Variants in PRRC2C observed in about 807,000 individuals in gnomAD.
The protein encoded by PRRC2C is protein PRRC2C.
PRRC2C carries 72 observed loss-of-function variants against 317.2 expected under a neutral mutation model. The ratio of observed to expected loss-of-function variants is 0.23; its 90% CI spans 0.19 to 0.28. The LOEUF (loss-of-function observed/expected upper bound fraction) is 0.28. PRRC2C is among the 10% of genes least tolerant of loss of function. PRRC2C has a pLI of 1.00. For synonymous variants in PRRC2C, 1,296 were observed against 1,205.9 expected (o/e 1.07, Z -1.55); for missense variants, 3,074 against 3,459.7 (o/e 0.89, Z 2.80).
At chr1:171,589,966 A>G (rs1651024342) in intron 34 of PRRC2C, among the ~76,000 whole-genome samples, 1 of 143,598 alleles carries the variant, frequency 7.0e-6, no homozygotes, top group African/African-American at 2.5e-5. Flanking sequence ...ATTATTATAG[A>G]CTTCCCCATT....
At chr1:171,549,035 G>A (rs1405440860) in intron 17 of PRRC2C, among the ~76,000 whole-genome samples, 6 of 152,132 alleles carry the variant, frequency 3.9e-5, no homozygotes, top group Admixed American at 1.3e-4. Context: ...TAGAGACAGG[G>A]TTTCACTGTG....
At chr1:171,497,236 T>G (rs761055227) in intron 1 of PRRC2C, among the ~76,000 whole-genome samples, 9 of 152,226 alleles carry the variant, frequency 5.9e-5, no homozygotes, top group Non-Finnish European at 1.2e-4. Context: ...TTGTTTTATA[T>G]TTCAGTTTGT....
At position 171,537,345 on chromosome 1, in the gene PRRC2C, T is replaced by C; in HGVS notation, c.2376T>C (p.Ala792=). 6.3e-7 allele frequency: 1 copy of C among 1,596,646 alleles called. No homozygotes were observed. The highest frequency in any genetic ancestry group is 1.1e-5 in the South Asian group (1 of 87,780). Reference sequence around the variant, plus strand: ...GTTCTGAGTCATTTGAGCATATAGCTCGATCTGCAAGAGATCACGCAATTT... The same window carrying C: ...GTTCTGAGTCATTTGAGCATATAGCCCGATCTGCAAGAGATCACGCAATTT... ...PNSSESFEHI[A]RSARDHAISL... is the part of the protein sequence containing the mutation. The change falls in exon 15 of 35, where the codon GCT becomes GCC. Residue 792 remains alanine (A), a synonymous_variant. Coordinates refer to ENST00000647382, the MANE Select transcript of PRRC2C (RefSeq NM_001387844.1).
chr1:171,537,501 G>C, intron 15 of PRRC2C, 28 bp downstream of exon 15: 1 of 1,524,668 alleles, frequency 6.6e-7, no homozygotes, highest in South Asian at 1.2e-5. Context: ...TTTAATAGAT[G>C]ATACAGAATA....
intron 10 of PRRC2C, among the ~76,000 whole-genome samples, chr1:171,527,305 G>A: frequency 6.8e-6 from 1 of 147,148 alleles, no homozygotes; most frequent in East Asian, 2.1e-4. Context: ...GCTAATTTTT[G>A]TATTTTTAGT....
intron 17 of PRRC2C, among the ~76,000 whole-genome samples, chr1:171,548,507 A>T (rs1476184654): frequency 6.6e-6 from 1 of 152,196 alleles, no homozygotes; most frequent in Non-Finnish European, 1.5e-5. Flanking sequence ...TTTTTATTGT[A>T]TATGTAATTT....
rs1462177827 is a variant in PRRC2C, at chr1:171,541,536, C to T, written c.4070C>T (p.Pro1357Leu). ...GGTFRRGGRD[P>L]GGRPSRPSTL... Reference sequence around the variant, plus strand: ...ACATTCAGGCGTGGTGGAAGGGATCCTGGAGGCCGTCCATCACGCCCTTCC... The same window carrying T: ...ACATTCAGGCGTGGTGGAAGGGATCTTGGAGGCCGTCCATCACGCCCTTCC... The change falls in exon 16 of 35, where the codon CCT (proline) becomes CTT (leucine). Residue 1357 changes from proline to leucine, a missense_variant. Pro to Leu is a moderately conservative substitution (Grantham distance 98, BLOSUM62 -3). Transcript: ENST00000647382. The surrounding 1 kb of genome is among the most constrained non-coding windows in gnomAD (Gnocchi z 4.1). 3 of 1,613,326 alleles carry T rather than the reference C, an allele frequency of 1.9e-6. No homozygotes were observed. The highest frequency in any genetic ancestry group is 1.7e-6 in the Non-Finnish European group (2 of 1,179,748).
chr1:171,582,873 A>G (rs779523788), intron 28 of PRRC2C, among the ~76,000 whole-genome samples: 4 of 149,872 alleles, frequency 2.7e-5, no homozygotes, highest in Non-Finnish European at 6.0e-5. Context: ...AAAAAAAACA[A>G]ATTTTTCTTC....
chr1:171,577,686 C>T (rs1351838187), intron 26 of PRRC2C, 49 bp downstream of exon 26: 1 of 1,519,686 alleles, frequency 6.6e-7, no homozygotes, highest in Non-Finnish European at 9.1e-7. Flanking sequence ...TGAAGACTTA[C>T]TAAAATGCTT....
chr1:171,540,766 AC>A lies in PRRC2C; in HGVS notation c.3302del (p.Pro1101HisfsTer12). 1 of 1,613,928 alleles carries A rather than the reference AC, an allele frequency of 6.2e-7. No individual in the cohort carries two copies. The highest frequency in any genetic ancestry group is 8.5e-7 in the Non-Finnish European group (1 of 1,179,862). ...CAGAAACTGCAACTTTGGCTCAAAA[AC>A]CATCTCAGGATACTGAGAAGCCTCT... ...STETATLAQKPSQDTEKPLEP... is the reference protein window; with the variant it reads ...STETATLAQKXSQDTEKPLEP... On this transcript the variant is annotated frameshift_variant, in exon 16 of 35. Transcript: ENST00000647382. LOFTEE classifies it high-confidence loss of function.
chr1:171,490,039 C>T (rs1296294013), intron 1 of PRRC2C, among the ~76,000 whole-genome samples: 1 of 152,174 alleles, frequency 6.6e-6, no homozygotes, highest in Non-Finnish European at 1.5e-5. Context: ...CCTACCTCAG[C>T]TTCCTGAGTA....
At chr1:171,502,283 G>A (rs1444520030) in intron 1 of PRRC2C, among the ~76,000 whole-genome samples, 1 of 152,116 alleles carries the variant, frequency 6.6e-6, no homozygotes, top group Non-Finnish European at 1.5e-5. Context: ...GAGACACTTG[G>A]GGAACTTTTC....
intron 11 of PRRC2C, among the ~76,000 whole-genome samples, chr1:171,529,699 A>T (rs1044572506): frequency 6.6e-6 from 1 of 152,142 alleles, no homozygotes; most frequent in East Asian, 1.9e-4. Flanking sequence ...ATTCTTCTGT[A>T]GTAGTTGTTG....
intron 11 of PRRC2C, among the ~76,000 whole-genome samples, chr1:171,531,899 G>A (rs914520721): frequency 1.4e-4 from 22 of 152,208 alleles, no homozygotes; most frequent in Middle Eastern, 3.4e-3. Flanking sequence ...CTTTTTACCT[G>A]TAGCTGTACC....
rs1044973783 is a variant in PRRC2C, at chr1:171,577,476, C to A, written c.6998C>A (p.Thr2333Lys). 1 of 1,612,986 alleles carries A rather than the reference C, an allele frequency of 6.2e-7. No individual in the cohort carries two copies. Among genetic ancestry groups the A allele is most frequent in the Non-Finnish European group, 8.5e-7 (1 of 1,179,124 alleles). The stretch of plus-strand genomic sequence containing the variant: ...ACCTCTTCTTTGAGCACAAAATCTA[C>A]AACCACATCGGACCCTCCAAATATT... ...YTTSSLSTKS[T>K]TTSDPPNICK... Residue 2333 changes from threonine (T) to lysine (K), a missense_variant, in exon 26 of 35, where the codon ACA (threonine) becomes AAA (lysine). Thr to Lys is a moderately conservative substitution (Grantham distance 78). Coordinates refer to ENST00000647382, the MANE Select transcript of PRRC2C (RefSeq NM_001387844.1).
intron 20 of PRRC2C, 93 bp downstream of exon 20, chr1:171,561,196 G>T (rs527310724): frequency 2.6e-5 from 32 of 1,215,848 alleles, no homozygotes; most frequent in Admixed American, 5.1e-5. Flanking sequence ...TAATCCTAGC[G>T]TGGTGGGAGG....
intron 20 of PRRC2C, among the ~76,000 whole-genome samples, chr1:171,565,987 A>G (rs550530003): frequency 3.3e-5 from 5 of 152,294 alleles, no homozygotes; most frequent in African/African-American, 1.2e-4. Flanking sequence ...TTTGCCCATG[A>G]TCACACTCAT....
At chr1:171,569,818 G>A (rs370799652) in intron 23 of PRRC2C, among the ~76,000 whole-genome samples, 1 of 151,186 alleles carries the variant, frequency 6.6e-6, no homozygotes, top group African/African-American at 2.4e-5. Flanking sequence ...TAAAGTATAT[G>A]ATGCTTTTTG....
intron 34 of PRRC2C, chr1:171,591,119 T>C: frequency 1.0e-6 from 1 of 972,756 alleles, no homozygotes; most frequent in Non-Finnish European, 1.2e-6. Context: ...AGTGAAGTCG[T>C]AGTTACTAAT....
Sources: allele counts gnomAD v4.1 joint callset (sites outside exome capture counted in the v4.1 genomes callset), GRCh38; gene constraint gnomAD v4.1.1; non-coding constraint Gnocchi (gnomAD v3.1); transcripts MANE v1.5; gene names NCBI Gene and HGNC (gene_info 2026-07-23, HGNC 2026-07-21).